The following ZNF683 variants were observed in gnomAD, a reference collection of about 807,000 sequenced individuals.
ZNF683 encodes tissue-resident T-cell transcription regulator protein ZNF683.
Under a neutral mutation model 31.4 loss-of-function variants are expected in ZNF683, and 20 were observed. The ratio of observed to expected loss-of-function variants is 0.64; its 90% CI spans 0.45 to 0.93. The LOEUF is 0.93. Ranked by LOEUF, ZNF683 falls within the 40% of genes least tolerant of loss-of-function variation. ZNF683 has a pLI of 0.00. For synonymous variants in ZNF683, 264 were observed against 267.6 expected (o/e 0.99, Z 0.13); for missense variants, 621 against 637.2 (o/e 0.97, Z 0.27).
Position 26,364,961 on chromosome 1 carries a change from T to TCTG in ZNF683, c.584_585insCAG (p.Gly195_Tyr196insArg), listed in dbSNP as rs775001615. ...GGGGTGGAGGCAGGAGAAGTGGGTA[T>TCTG]CCAGGGTAGAAGGCGTGGAGGAGAA... is the stretch of plus-strand genomic sequence containing the variant. On this transcript the variant is annotated inframe_insertion, in exon 4 of 6. Transcript: ENST00000349618. 4 of 1,566,588 alleles carry TCTG rather than the reference T, an allele frequency of 2.6e-6. No homozygotes were observed. The African/African-American group carries it at 4.1e-5, about 16-fold the overall frequency.
At chr1:26,363,533 C>T (rs1002719579) in intron 4 of ZNF683, among the ~76,000 whole-genome samples, 5 of 151,860 alleles carry the variant, frequency 3.3e-5, no homozygotes, top group African/African-American at 9.7e-5. Context: ...TTTGGGAGGC[C>T]GAGGAGGGAG....
At chr1:26,372,394 G>A (rs1172344061) in intron 1 of ZNF683, 1 of 1,061,552 alleles carries the variant, frequency 9.4e-7, no homozygotes, top group African/African-American at 1.7e-5. Context: ...CATGAGTCTT[G>A]AGGGAGGCAA....
In ZNF683 at chr1:26,368,462, T is replaced by G; in HGVS notation, c.110A>C (p.Asp37Ala). The G allele has an allele frequency of 6.3e-7, 1 of 1,585,730 alleles. No homozygotes were observed. ...AAGGCTGGGGTTCTACCTTACCTGG[T>G]CACCTCGGAAGAGCTGGAAGTCCAG... is the stretch of plus-strand genomic sequence containing the variant. ...PSLDFQLFRGDQVFSACRPLP... is the reference protein window; with the variant it reads ...PSLDFQLFRGAQVFSACRPLP... The change falls in exon 2 of 6, where the codon GAC becomes GCC. Residue 37 changes from aspartate (D) to alanine (A), a missense_variant. Physicochemically the swap from Asp to Ala is moderately radical, Grantham distance 126 (BLOSUM62 -2). Transcript: ENST00000349618.
rs766821363 is a variant in ZNF683, at chr1:26,365,091, G to A, written c.455C>T (p.Ser152Phe). 23 of 1,607,464 alleles carry A rather than the reference G, an allele frequency of 1.4e-5. No individual in the cohort carries two copies. The African/African-American group carries it at 2.8e-4, about 20-fold the overall frequency. Residue 152 changes from serine (S) to phenylalanine (F), a missense_variant, in exon 4 of 6, where the codon TCT becomes TTT. Physicochemically the swap from Ser to Phe is radical, Grantham distance 155 (BLOSUM62 -2). Transcript: ENST00000349618. ...GEGAPCPAFS[S>F]HNSSSPPPLQ... ...CGGTGGTGGGGAAGAGCTGTTATGA[G>A]AGGAGAAGGCTGGGCAGGGGGCCCC...
chr1:26,372,652 C>G lies in ZNF683; in HGVS notation c.-15+17G>C. ...AAATAAAAACTACTTCCCCTCTATC[C>G]GCACTTCCCAACCTACTCTGGTGAT... is the stretch of plus-strand genomic sequence containing the variant. On this transcript the variant is annotated intron_variant, in intron 1 of 5. Coordinates refer to ENST00000349618, the MANE Select transcript of ZNF683 (RefSeq NM_001114759.3). 1 of 1,302,946 alleles carries G rather than the reference C, an allele frequency of 7.7e-7. No homozygotes were observed. Among genetic ancestry groups the G allele is most frequent in the Middle Eastern group, 2.1e-4 (1 of 4,686 alleles). 80.7% of individuals were successfully genotyped at this position (1,302,946 alleles called of 1,614,324 possible). A position where few individuals can be genotyped will look rare whatever the true frequency, so the allele number is the denominator to read the frequency against.
chr1:26,374,284 C>T, upstream of ZNF683: 2 of 1,304,308 alleles, frequency 1.5e-6, no homozygotes, highest in Non-Finnish European at 1.0e-6. Context: ...ACACCTTTGG[C>T]TTCCATCTGC....
intron 1 of ZNF683, chr1:26,370,605 A>G (rs2074647936): frequency 2.1e-6 from 2 of 968,806 alleles, no homozygotes; most frequent in Non-Finnish European, 2.5e-6. Flanking sequence ...ACTCCTCCCA[A>G]CGCTGCTTCA....
chr1:26,364,353 CT>C (rs1234470210), intron 4 of ZNF683, among the ~76,000 whole-genome samples, 178 bp downstream of exon 4: 1 of 152,080 alleles, frequency 6.6e-6, no homozygotes, highest in Non-Finnish European at 1.5e-5. Flanking sequence ...GTGGCGAGGA[CT>C]TTGGTGGCCG....
At chr1:26,370,884 A>C (rs1557743994) in intron 1 of ZNF683, 1 of 192,534 alleles carries the variant, frequency 5.2e-6, no homozygotes. Context: ...TACCTGTGGC[A>C]ACTCTGGAGG....
In ZNF683 at chr1:26,361,943, C is replaced by A. The variant is rs1180588764; in HGVS notation, c.1223G>T (p.Cys408Phe). Residue 408 changes from cysteine to phenylalanine, a missense_variant, in exon 6 of 6, where the codon TGC becomes TTC. Transcript: ENST00000349618. ...RLHSGARPFQ[C>F]SVCRSRFTQH... ...GGTGAAGCGACTCCGGCAGACACTG[C>A]ACTGGAAGGGCCGGGCCCCGGAGTG... The A allele has an allele frequency of 1.2e-6, 2 of 1,613,988 alleles. No individual in the cohort carries two copies. The highest frequency in any genetic ancestry group is 1.3e-5 in the African/African-American group (1 of 75,048).
intron 5 of ZNF683, among the ~76,000 whole-genome samples, chr1:26,362,414 G>T (rs1261128489): frequency 6.6e-6 from 1 of 152,122 alleles, no homozygotes; most frequent in African/African-American, 2.4e-5. Context: ...GCCTGCAGTT[G>T]GTTTCATCTA....
At chr1:26,370,909 T>C (rs1233989970) in intron 1 of ZNF683, among the ~76,000 whole-genome samples, 1 of 152,122 alleles carries the variant, frequency 6.6e-6, no homozygotes, top group Non-Finnish European at 1.5e-5. Flanking sequence ...CCTGCTGATG[T>C]GGATTGCAGT....
chr1:26,362,237 A>T, intron 5 of ZNF683: 1 of 1,513,994 alleles, frequency 6.6e-7, no homozygotes, highest in Non-Finnish European at 9.0e-7. Flanking sequence ...TGACCTTGTA[A>T]AAGTAACTTC....
At chr1:26,364,202 T>C (rs1475858545) in intron 4 of ZNF683, among the ~76,000 whole-genome samples, 1 of 152,254 alleles carries the variant, frequency 6.6e-6, no homozygotes, top group African/African-American at 2.4e-5. Flanking sequence ...GTAAGGGCTT[T>C]CTTTGCCCAG....
intron 1 of ZNF683, among the ~76,000 whole-genome samples, chr1:26,371,033 A>C (rs1413242883): frequency 6.6e-6 from 1 of 152,128 alleles, no homozygotes; most frequent in Non-Finnish European, 1.5e-5. Flanking sequence ...TCAAAGGCTG[A>C]ACAGGGGAGC....
Position 26,372,539 on chromosome 1 carries a change from G to A in ZNF683, c.-15+130C>T, listed in dbSNP as rs566676911. ...CAGAAGGGGTGACCCGCACACCTTTGGCTTCCATCTGCCAGCTCTGCCCTC... is the reference window on the plus strand; with the variant it reads ...CAGAAGGGGTGACCCGCACACCTTTAGCTTCCATCTGCCAGCTCTGCCCTC... On this transcript the variant is annotated intron_variant, in intron 1 of 5. Transcript: ENST00000349618. The A allele has an allele frequency of 6.1e-6, 8 of 1,304,894 alleles. No homozygotes were observed. In the East Asian group the frequency reaches 4.4e-4, roughly 72 times the overall value. The allele number at this position is 1,304,894 out of a possible 1,614,324, so 80.8% of individuals were successfully genotyped here. A position where few individuals can be genotyped will look rare whatever the true frequency, so the allele number is the denominator to read the frequency against.
chr1:26,366,035 C>A (rs766915450), intron 3 of ZNF683, among the ~76,000 whole-genome samples: 3 of 152,132 alleles, frequency 2.0e-5, no homozygotes, highest in Non-Finnish European at 2.9e-5. Flanking sequence ...GCAAAATTAG[C>A]TGGGCATGGT....
At chr1:26,362,692 G>A (rs1163555289) in intron 5 of ZNF683, among the ~76,000 whole-genome samples, 2 of 152,146 alleles carry the variant, frequency 1.3e-5, no homozygotes, top group Non-Finnish European at 2.9e-5. Context: ...ACAGAAGGAG[G>A]GAGCTGACAT....
chr1:26,366,627 G>A (rs1032712726), intron 3 of ZNF683, among the ~76,000 whole-genome samples: 1 of 152,032 alleles, frequency 6.6e-6, no homozygotes, highest in Non-Finnish European at 1.5e-5. Context: ...GGGCAGAACC[G>A]AGACTCCAAC....
Sources: allele counts gnomAD v4.1 joint callset (sites outside exome capture counted in the v4.1 genomes callset), GRCh38; gene constraint gnomAD v4.1.1; transcripts MANE v1.5; gene names NCBI Gene and HGNC (gene_info 2026-07-23, HGNC 2026-07-21).